Variants in TSGA10 observed in about 807,000 individuals in gnomAD.
TSGA10 encodes testis-specific gene 10 protein.
TSGA10 carries 43 observed loss-of-function variants against 96.6 expected under a neutral mutation model. The observed-to-expected ratio is 0.44, with a 90% CI of 0.35 to 0.57. The LOEUF is 0.57. Among genes scored for constraint, TSGA10 ranks in the 20% least tolerant of loss-of-function variants. The probability of loss-of-function intolerance (pLI) is 0.01; values close to 1 mark genes in which losing one functional copy is unlikely to be tolerated. For synonymous variants in TSGA10, 229 were observed against 269.9 expected, an observed-to-expected ratio of 0.85 and a Z score of 1.48; for missense variants, 703 against 834.4, an observed-to-expected ratio of 0.84 and a Z score of 1.94.
At chr2:99,104,927 A>G (rs1446592056) in intron 9 of TSGA10, among the ~76,000 whole-genome samples, 4 of 152,248 alleles carry the variant, frequency 2.6e-5, no homozygotes, top group Admixed American at 6.5e-5. Flanking sequence ...AAATCTGATT[A>G]GGAAAAAGGT....
chr2:99,154,136 T>C (rs2093723743), intron 1 of TSGA10, among the ~76,000 whole-genome samples: 1 of 152,206 alleles, frequency 6.6e-6, no homozygotes, highest in Admixed American at 6.5e-5. Context: ...AAGGCTATCT[T>C]GGACCGCCCA....
intron 16 of TSGA10, among the ~76,000 whole-genome samples, chr2:99,040,726 C>T (rs1253593159): frequency 6.6e-6 from 1 of 151,366 alleles, no homozygotes; most frequent in Non-Finnish European, 1.5e-5. Context: ...CAATTCCTAT[C>T]AAAATACCAT....
intron 17 of TSGA10, among the ~76,000 whole-genome samples, chr2:99,029,333 T>A (rs557809938): frequency 1.3e-5 from 2 of 152,264 alleles, no homozygotes; most frequent in Admixed American, 1.3e-4. Context: ...TTAATAGATA[T>A]GGTATTAATT....
chr2:99,154,077 C>G (rs1435163416), intron 1 of TSGA10, among the ~76,000 whole-genome samples: 1 of 152,168 alleles, frequency 6.6e-6, no homozygotes, highest in Non-Finnish European at 1.5e-5. Flanking sequence ...AAGATTAGGC[C>G]TGAATTGAGA....
rs571312044 is a variant in TSGA10 at position 99,135,656 on chromosome 2, C to T, written c.-620-8480G>A. Among the ~76,000 whole-genome samples, 30 of 152,176 alleles carry T rather than the reference C, an allele frequency of 2.0e-4. 1 individual carries two copies. In the South Asian group the frequency reaches 5.0e-3, roughly 25 times the overall value. On this transcript the variant is annotated intron_variant, in intron 1 of 20. Coordinates refer to ENST00000393483, the MANE Select transcript of TSGA10 (RefSeq NM_025244.4). ...CACATCTTAGCTGTGTGATCTTGGG[C>T]GACCTGGTTACTTCTCTGACTATAG...
intron 20 of TSGA10, among the ~76,000 whole-genome samples, chr2:99,009,400 G>A (rs74773747): frequency 0.054 from 8,163 of 151,500 alleles, 413 homozygotes; most frequent in East Asian, 0.21. Context: ...TGAAAACCCC[G>A]TCTCTACTAA....
intron 16 of TSGA10, among the ~76,000 whole-genome samples, chr2:99,062,641 A>C (rs907442920): frequency 6.6e-6 from 1 of 152,186 alleles, no homozygotes; most frequent in African/African-American, 2.4e-5. Context: ...AGGCTGAGAC[A>C]GATGGATCAC....
intron 17 of TSGA10, among the ~76,000 whole-genome samples, chr2:99,030,250 G>A (rs1010873305): frequency 2.4e-4 from 37 of 152,172 alleles, no homozygotes; most frequent in African/African-American, 8.7e-4. Flanking sequence ...GGGAGGTTGA[G>A]GCAGGAGAAT....
chr2:99,120,765 T>A (rs1288865573), intron 2 of TSGA10, among the ~76,000 whole-genome samples: 3 of 152,132 alleles, frequency 2.0e-5, no homozygotes, highest in Non-Finnish European at 4.4e-5. Flanking sequence ...CATGTGCAGA[T>A]CTCTGTAACT....
chr2:99,148,955 T>A (rs548249296), intron 1 of TSGA10, among the ~76,000 whole-genome samples: 1 of 151,750 alleles, frequency 6.6e-6, no homozygotes, highest in East Asian at 1.9e-4. Flanking sequence ...TTATATATAT[T>A]TTACCACAAT....
chr2:99,141,813 T>C (rs2093565567), intron 1 of TSGA10: 1 of 152,522 alleles, frequency 6.6e-6, no homozygotes, highest in Non-Finnish European at 1.5e-5. Flanking sequence ...CCATGTTCGG[T>C]GAACCGGTTA....
chr2:99,032,587 A>G (rs1329468102), intron 17 of TSGA10, among the ~76,000 whole-genome samples: 1 of 152,242 alleles, frequency 6.6e-6, no homozygotes, highest in Non-Finnish European at 1.5e-5. Flanking sequence ...AAAGAACAGA[A>G]GCAATTATTA....
intron 17 of TSGA10, among the ~76,000 whole-genome samples, chr2:99,026,331 G>A (rs919295123): frequency 1.3e-5 from 2 of 151,650 alleles, no homozygotes; most frequent in Non-Finnish European, 2.9e-5. Context: ...ATGATATATT[G>A]TTACAATTAT....
chr2:99,120,803 T>C (rs2092530676), intron 2 of TSGA10, among the ~76,000 whole-genome samples: 1 of 152,150 alleles, frequency 6.6e-6, no homozygotes, highest in South Asian at 2.1e-4. Context: ...AACTGTTCCA[T>C]TACAACGAGA....
At chr2:99,077,866 C>A (rs1030712282) in intron 12 of TSGA10, among the ~76,000 whole-genome samples, 4 of 151,932 alleles carry the variant, frequency 2.6e-5, no homozygotes, top group Non-Finnish European at 5.9e-5. Flanking sequence ...CCGGCCTGCA[C>A]GCGGCCGGCA....
intron 1 of TSGA10, among the ~76,000 whole-genome samples, chr2:99,153,650 C>T (rs2105169665): frequency 1.3e-5 from 2 of 152,308 alleles, no homozygotes; most frequent in Middle Eastern, 6.8e-3. Flanking sequence ...CAACAATATT[C>T]TGTGACTGTT....
At chr2:99,066,994 C>T (rs2085330201) in intron 15 of TSGA10, among the ~76,000 whole-genome samples, 1 of 152,134 alleles carries the variant, frequency 6.6e-6, no homozygotes, top group African/African-American at 2.4e-5. Flanking sequence ...AATAAACTTC[C>T]TAAAAGGCAA....
At chr2:99,150,882 A>G (rs774062161) in intron 1 of TSGA10, 13 of 1,263,894 alleles carry the variant, frequency 1.0e-5, no homozygotes, top group Non-Finnish European at 1.4e-5. Context: ...CCTTTGACTA[A>G]GGGGGGTGTT....
Position 99,072,020 on chromosome 2 carries a change from A to T in TSGA10, c.939-146T>A, listed in dbSNP as rs567994555. 4.2e-4 allele frequency: 265 copies of T among 633,342 alleles called. 1 individual carries two copies. In the African/African-American group the frequency reaches 4.5e-3, roughly 11 times the overall value. 39.2% of individuals were successfully genotyped at this position (633,342 alleles called of 1,614,324 possible). A position where few individuals can be genotyped will look rare whatever the true frequency, so the allele number is the denominator to read the frequency against. ...TTGAATTTATAGGAATAAATACTGC[A>T]AAGACAGTGCATTAGAGTTTCTCAA... On this transcript the variant is annotated intron_variant, in intron 13 of 20. Coordinates refer to ENST00000393483, the MANE Select transcript of TSGA10 (RefSeq NM_025244.4).
Sources: gnomAD v4.1 joint callset for allele counts (sites outside exome capture counted in the v4.1 genomes callset) on GRCh38, gnomAD v4.1.1 for gene constraint, MANE v1.5 for transcripts, NCBI Gene and HGNC (gene_info 2026-07-23, HGNC 2026-07-21) for gene names.